Variants in NFIB observed in about 807,000 individuals in gnomAD.
The protein encoded by NFIB is nuclear factor 1 B-type.
NFIB carries 11 observed loss-of-function variants against 61.5 expected under a neutral mutation model. That is an observed-to-expected ratio of 0.18 (90% CI 0.11 to 0.30). NFIB has a LOEUF of 0.30. Ranked by LOEUF, NFIB falls within the 10% of genes least tolerant of loss-of-function variation. The pLI is 1.00. For synonymous variants in NFIB, 260 were observed against 216.5 expected (o/e 1.20, Z -1.76); for missense variants, 471 against 608.9 (o/e 0.77, Z 2.38).
At chr9:14,482,023 T>A in the NFIB span, among the ~76,000 whole-genome samples, 6 of 152,100 alleles carry the variant, frequency 3.9e-5, no homozygotes, top group Non-Finnish European at 8.8e-5. Context: ...TACCCTCATC[T>A]TCTAACTAAG....
At chr9:14,475,467 C>G in the NFIB span, among the ~76,000 whole-genome samples, 4 of 152,186 alleles carry the variant, frequency 2.6e-5, no homozygotes. Context: ...AAACCTGTAG[C>G]AGTCAAGTGC....
intron 2 of NFIB, among the ~76,000 whole-genome samples, chr9:14,183,674 G>C (rs958853099): frequency 6.6e-6 from 1 of 152,048 alleles, no homozygotes; most frequent in Non-Finnish European, 1.5e-5. Flanking sequence ...CAAAGTGCTG[G>C]GATTACAGGT....
intron 2 of NFIB, among the ~76,000 whole-genome samples, chr9:14,269,188 C>T (rs1482899287): frequency 3.3e-5 from 5 of 152,074 alleles, no homozygotes; most frequent in African/African-American, 9.7e-5. Context: ...TGTGATATCA[C>T]ATATAATACC....
chr9:14,385,972 A>G (rs1485324104), intron 1 of NFIB, among the ~76,000 whole-genome samples: 1 of 151,966 alleles, frequency 6.6e-6, no homozygotes. Flanking sequence ...CAGTAGAGAC[A>G]GGGTTTCGCC....
chr9:14,210,051 T>C (rs1001385057), intron 2 of NFIB, among the ~76,000 whole-genome samples: 2 of 152,220 alleles, frequency 1.3e-5, no homozygotes, highest in African/African-American at 4.8e-5. Flanking sequence ...ACTACAACAA[T>C]TGGTAGCTAT....
chr9:14,310,317 G>A (rs910917922), intron 1 of NFIB, among the ~76,000 whole-genome samples: 3 of 152,074 alleles, frequency 2.0e-5, no homozygotes, highest in East Asian at 1.9e-4. Flanking sequence ...TATTGATATC[G>A]TTCAGGGTTT....
chr9:14,456,823 T>A, the NFIB span, among the ~76,000 whole-genome samples: 1 of 152,168 alleles, frequency 6.6e-6, no homozygotes, highest in Non-Finnish European at 1.5e-5. Flanking sequence ...GACCCAGCCA[T>A]CCCATTTTGG....
chr9:14,494,951 T>C, the NFIB span, among the ~76,000 whole-genome samples: 1 of 152,216 alleles, frequency 6.6e-6, no homozygotes. Context: ...GTTTTCTGTT[T>C]TCAAATTCTG....
At position 14,313,890 on chromosome 9, in the gene NFIB, CGGTGT is replaced by C; in HGVS notation, c.-384_-380del. ...GGGGTGTAGGGGGTGCGCGAAGGTT[CGGTGT>C]GGGTTGGATTGGGGTGGTGGTTGGT... On this transcript the variant is annotated 5_prime_UTR_variant, in exon 1 of 11. Transcript: ENST00000380953. This position sits in a 1 kb window ranked among gnomAD's most constrained non-coding sequence, Gnocchi z 4.5. 1 of 1,031,316 alleles carries C rather than the reference CGGTGT, an allele frequency of 9.7e-7. No individual in the cohort carries two copies. The highest frequency in any genetic ancestry group is 4.2e-5 in the South Asian group (1 of 23,708). The allele number at this position is 1,031,316 out of a possible 1,614,324, so 63.9% of individuals were successfully genotyped here.
the NFIB span, among the ~76,000 whole-genome samples, chr9:14,503,711 T>G: frequency 6.6e-5 from 10 of 152,230 alleles, no homozygotes; most frequent in Admixed American, 3.9e-4. Context: ...TCTTTGTAGA[T>G]TCTGGATATT....
At chr9:14,210,883 C>G (rs1163836535) in intron 2 of NFIB, among the ~76,000 whole-genome samples, 2 of 152,022 alleles carry the variant, frequency 1.3e-5, no homozygotes, top group African/African-American at 4.8e-5. Context: ...TCAAAATAGC[C>G]GCATCTCTTG....
chr9:14,243,957 C>T (rs568690750), intron 2 of NFIB, among the ~76,000 whole-genome samples: 7 of 152,240 alleles, frequency 4.6e-5, no homozygotes, highest in South Asian at 4.1e-4. Context: ...TGGAAATTAC[C>T]GTATACTGTA....
chr9:14,396,931 G>A (rs1035286801), intron 1 of NFIB, among the ~76,000 whole-genome samples: 1 of 152,116 alleles, frequency 6.6e-6, no homozygotes, highest in African/African-American at 2.4e-5. Flanking sequence ...GGATTTGGGA[G>A]GACCATTGTT....
chr9:14,318,418 T>C (rs1018167405), upstream of NFIB, among the ~76,000 whole-genome samples: 2 of 152,154 alleles, frequency 1.3e-5, no homozygotes, highest in African/African-American at 2.4e-5. Context: ...CCTAAAGAAA[T>C]TGCAGCGACA....
chr9:14,090,907 T>C (rs2033799152), intron 10 of NFIB, among the ~76,000 whole-genome samples: 1 of 152,062 alleles, frequency 6.6e-6, no homozygotes, highest in Non-Finnish European at 1.5e-5. Flanking sequence ...AATAGCTCTC[T>C]TACTCAGTTC....
At position 14,314,109 on chromosome 9, in the gene NFIB, T is replaced by A. The variant is rs939427882; in HGVS notation, c.-598A>T. The A allele has an allele frequency of 1.8e-5, 18 of 1,001,420 alleles. No individual in the cohort carries two copies. Among genetic ancestry groups the A allele is most frequent in the Non-Finnish European group, 2.1e-5 (18 of 843,006 alleles). 62.0% of individuals were successfully genotyped at this position (1,001,420 alleles called of 1,614,324 possible). A position where few individuals can be genotyped will look rare whatever the true frequency, so the allele number is the denominator to read the frequency against. ...GCGAAACTTTGCCGCGAGCCGACCA[T>A]GTGTGTGCGCGAGGGGCAGCGTGAG... is the stretch of plus-strand genomic sequence containing the variant. On this transcript the variant is annotated 5_prime_UTR_variant, in exon 1 of 11. The change abolishes an upstream ATG in the 5' untranslated region. Coordinates refer to ENST00000380953, the MANE Select transcript of NFIB (RefSeq NM_001190737.2).
chr9:14,432,848 C>A, the NFIB span, among the ~76,000 whole-genome samples: 2 of 152,154 alleles, frequency 1.3e-5, no homozygotes, highest in Non-Finnish European at 2.9e-5. Flanking sequence ...TAATCAGAGA[C>A]TGATCTTTTC....
At chr9:14,436,723 A>G in the NFIB span, among the ~76,000 whole-genome samples, 21 of 152,194 alleles carry the variant, frequency 1.4e-4, no homozygotes, top group Non-Finnish European at 1.5e-4. Flanking sequence ...TGATTGTGCT[A>G]TATCAATAGT....
intron 2 of NFIB, among the ~76,000 whole-genome samples, chr9:14,277,950 C>T (rs891950649): frequency 7.9e-5 from 12 of 152,258 alleles, no homozygotes; most frequent in African/African-American, 2.4e-4. Context: ...CATGGCAAAG[C>T]GCTCACAAAG....
Sources: allele counts gnomAD v4.1 joint callset (sites outside exome capture counted in the v4.1 genomes callset), GRCh38; gene constraint gnomAD v4.1.1; non-coding constraint Gnocchi (gnomAD v3.1); transcripts MANE v1.5; gene names NCBI Gene and HGNC (gene_info 2026-07-23, HGNC 2026-07-21).